MME: variants seen among roughly 807,000 people sequenced by gnomAD.
The protein encoded by MME is membrane metalloendopeptidase, also known as neprilysin.
MME carries 98 observed loss-of-function variants against 113.2 expected under a neutral mutation model. The observed-to-expected ratio is 0.87, with a 90% confidence interval of 0.74 to 1.02. The LOEUF (loss-of-function observed/expected upper bound fraction) is 1.02. Ranked by LOEUF, MME falls within the 50% of genes least tolerant of loss-of-function variation. MME has a pLI of 0.00. For missense variants in MME, 836 were observed against 896.0 expected, an observed-to-expected ratio of 0.93 and a Z score of 0.86; for synonymous variants, 292 against 300.6, an observed-to-expected ratio of 0.97 and a Z score of 0.30.
intron 1 of MME, among the ~76,000 whole-genome samples, chr3:155,037,778 A>G (rs4414805): frequency 0.097 from 14,746 of 152,200 alleles, 1,186 homozygotes; most frequent in African/African-American, 0.22. Context: ...CACTGGGGAA[A>G]CATTGGATTT....
chr3:155,135,821 G>A (rs1163914958), intron 8 of MME, among the ~76,000 whole-genome samples: 1 of 151,972 alleles, frequency 6.6e-6, no homozygotes, highest in African/African-American at 2.4e-5. Context: ...GCAATGTTTT[G>A]TAGTTCTCCT....
intron 1 of MME, among the ~76,000 whole-genome samples, chr3:155,033,528 C>T (rs1342789317): frequency 1.3e-5 from 2 of 152,006 alleles, no homozygotes; most frequent in African/African-American, 4.8e-5. Context: ...GTTATAAATA[C>T]TAATAAAGTT....
intron 1 of MME, among the ~76,000 whole-genome samples, chr3:155,038,019 A>G (rs1251771488): frequency 2.6e-5 from 4 of 152,156 alleles, no homozygotes; most frequent in African/African-American, 9.7e-5. Context: ...CTAATGAAAG[A>G]GAAAATATTG....
chr3:155,048,080 A>G (rs886873088), intron 1 of MME, among the ~76,000 whole-genome samples: 1 of 152,176 alleles, frequency 6.6e-6, no homozygotes, highest in Admixed American at 6.6e-5. Flanking sequence ...CATGGAGATC[A>G]AAGCTCCGTC....
At position 155,142,234 on chromosome 3, in the gene MME, CAG is replaced by C. The variant is rs760853459; in HGVS notation, c.1096_1097del. 2 of 1,613,128 alleles carry C rather than the reference CAG, an allele frequency of 1.2e-6. No homozygotes were observed. Among genetic ancestry groups the C allele is most frequent in the Non-Finnish European group, 1.7e-6 (2 of 1,179,378 alleles). ...TTGCTGGGCGGTGGTTTTTTTTATA[CAG>C]AGATCTTCAAAATTTAATGTCCTGG... On this transcript the variant is annotated splice_acceptor_variant, in intron 11 of 22. Coordinates refer to ENST00000360490, the MANE Select transcript of MME (RefSeq NM_007289.4). LOFTEE classifies it high-confidence loss of function.
intron 1 of MME, among the ~76,000 whole-genome samples, chr3:155,050,056 C>T (rs971928838): frequency 6.6e-6 from 1 of 152,114 alleles, no homozygotes; most frequent in African/African-American, 2.4e-5. Flanking sequence ...GGTTCTTTAG[C>T]TCCCAGTTGT....
chr3:155,104,488 C>A (rs892679081), intron 3 of MME, among the ~76,000 whole-genome samples: 1 of 152,218 alleles, frequency 6.6e-6, no homozygotes, highest in Non-Finnish European at 1.5e-5. Context: ...GAAGCACTGT[C>A]GACTCAGCTT....
At chr3:155,026,192 G>A (rs1271676926) in intron 1 of MME, among the ~76,000 whole-genome samples, 1 of 150,920 alleles carries the variant, frequency 6.6e-6, no homozygotes, top group Non-Finnish European at 1.5e-5. Flanking sequence ...GTTTGTTGGG[G>A]TAGGGGGGTG....
At chr3:155,164,095 G>A (rs1722911500) in intron 17 of MME, among the ~76,000 whole-genome samples, 1 of 150,880 alleles carries the variant, frequency 6.6e-6, no homozygotes, top group Admixed American at 6.6e-5. Context: ...AGTAAGCTGA[G>A]GTCACACCAC....
chr3:155,177,050 T>G (rs1712611946), intron 22 of MME, among the ~76,000 whole-genome samples: 1 of 152,156 alleles, frequency 6.6e-6, no homozygotes, highest in Non-Finnish European at 1.5e-5. Flanking sequence ...AGACGTTTCT[T>G]TCTTTTAGGT....
At chr3:155,141,763 T>C (rs1721108654) in intron 10 of MME, among the ~76,000 whole-genome samples, 1 of 152,222 alleles carries the variant, frequency 6.6e-6, no homozygotes. Flanking sequence ...TCTAGGTATA[T>C]GTTCCTTAAG....
chr3:155,149,944 AAG>A (rs1721804126), intron 16 of MME, among the ~76,000 whole-genome samples: 1 of 152,210 alleles, frequency 6.6e-6, no homozygotes, highest in Admixed American at 6.5e-5. Flanking sequence ...CTGGGAAAGA[AAG>A]AGAGTGAATA....
At chr3:155,156,730 C>T (rs1372350276) in intron 16 of MME, among the ~76,000 whole-genome samples, 2 of 152,018 alleles carry the variant, frequency 1.3e-5, no homozygotes, top group South Asian at 2.1e-4. Context: ...TCCACCCAGG[C>T]GACTGGAGGA....
intron 3 of MME, among the ~76,000 whole-genome samples, chr3:155,113,656 A>G (rs1576599725): frequency 6.6e-6 from 1 of 152,328 alleles, no homozygotes; most frequent in African/African-American, 2.4e-5. Context: ...GAAGATGTGT[A>G]GAATATATCA....
intron 8 of MME, among the ~76,000 whole-genome samples, chr3:155,129,528 G>T (rs1719966589): frequency 6.6e-6 from 1 of 151,186 alleles, no homozygotes; most frequent in African/African-American, 2.4e-5. Context: ...TGTAATATTT[G>T]ATTATTATTA....
rs77081615 is a variant in MME, at chr3:155,157,846, G to T, written c.1602-2544G>T. The stretch of plus-strand genomic sequence containing the variant: ...TAATTCTAATTTTATTTGAATGTTT[G>T]GTGGTCATAAATAGCTACCTATTTT... On this transcript the variant is annotated intron_variant, in intron 16 of 22. Coordinates refer to ENST00000360490, the MANE Select transcript of MME (RefSeq NM_007289.4). 3.0e-3 allele frequency among the ~76,000 whole-genome samples: 463 copies of T among 152,212 alleles called. 4 individuals are homozygous for T. Among genetic ancestry groups the T allele is most frequent in the African/African-American group, 0.011 (439 of 41,544 alleles).
intron 1 of MME, among the ~76,000 whole-genome samples, chr3:155,042,940 G>GTATATATATATATATATATGTATATA (rs57585504): frequency 5.6e-5 from 3 of 53,580 alleles, no homozygotes; most frequent in Non-Finnish European, 9.8e-5. Context: ...ATATATATAT[G>GTATATATATATATATATATGTATATA]TATATATATA....
intron 8 of MME, among the ~76,000 whole-genome samples, chr3:155,133,058 A>ATATATATATATATATATATATATATATAT (rs1399456952): frequency 1.2e-5 from 1 of 84,236 alleles, no homozygotes; most frequent in Non-Finnish European, 2.8e-5. Context: ...AAAAAAAAAA[A>ATATATATATATATATATATATATATATAT]AAAAATATAT....
At chr3:155,058,886 C>T (rs893215040) in intron 1 of MME, among the ~76,000 whole-genome samples, 3 of 152,130 alleles carry the variant, frequency 2.0e-5, no homozygotes, top group African/African-American at 7.2e-5. Context: ...GGCACAGGTT[C>T]CAAATGATTT....
Sources: gnomAD v4.1 joint callset for allele counts (sites outside exome capture counted in the v4.1 genomes callset) on GRCh38, gnomAD v4.1.1 for gene constraint, MANE v1.5 for transcripts, NCBI Gene and HGNC (gene_info 2026-07-23, HGNC 2026-07-21) for gene names.